UGP2: variants seen among roughly 807,000 people sequenced by gnomAD.
The protein encoded by UGP2 is UDP-glucose pyrophosphorylase 2, also known as UTP--glucose-1-phosphate uridylyltransferase.
In UGP2, 40 loss-of-function variants were observed where a neutral mutation model predicts 49.0. The ratio of observed to expected loss-of-function variants is 0.82; its 90% confidence interval spans 0.63 to 1.06. The LOEUF is 1.06. UGP2 is among the 50% of genes least tolerant of loss of function. UGP2 has a pLI of 0.00. For missense variants in UGP2, 460 were observed against 603.5 expected, an observed-to-expected ratio of 0.76 and a Z score of 2.49; for synonymous variants, 225 against 213.0, an observed-to-expected ratio of 1.06 and a Z score of -0.49.
At chr2:63,862,407 C>G (rs1669910367) in intron 3 of UGP2, among the ~76,000 whole-genome samples, 1 of 152,070 alleles carries the variant, frequency 6.6e-6, no homozygotes, top group African/African-American at 2.4e-5. Context: ...ATGAATTGAA[C>G]AGTTTTTGAA....
chr2:63,855,452 A>G (rs762107961), intron 1 of UGP2: 2 of 472,328 alleles, frequency 4.2e-6, no homozygotes, highest in Admixed American at 4.4e-5. Context: ...CTTTCTAGAT[A>G]AAGTATAAAA....
At chr2:63,861,002 T>A (rs1224147570) in intron 3 of UGP2, among the ~76,000 whole-genome samples, 1 of 152,070 alleles carries the variant, frequency 6.6e-6, no homozygotes, top group African/African-American at 2.4e-5. Flanking sequence ...AGTGAGTACA[T>A]AGATGTTTTG....
chr2:63,846,899 T>C (rs992940242), intron 1 of UGP2, among the ~76,000 whole-genome samples: 1 of 152,246 alleles, frequency 6.6e-6, no homozygotes, highest in African/African-American at 2.4e-5. Context: ...TTAAGATTTA[T>C]TATATTATTT....
chr2:63,865,075 T>C (rs534586670), intron 3 of UGP2, among the ~76,000 whole-genome samples: 4 of 152,368 alleles, frequency 2.6e-5, no homozygotes, highest in African/African-American at 9.6e-5. Context: ...GATTTATCTG[T>C]AGTCACTATG....
At position 63,863,241 on chromosome 2, in the gene UGP2, C is replaced by A. The variant is rs763380763; in HGVS notation, c.255+5305C>A. 2.0e-5 allele frequency among the ~76,000 whole-genome samples: 3 copies of A among 152,266 alleles called. No homozygotes were observed. In the East Asian group the frequency reaches 5.8e-4, roughly 29 times the overall value. ...ACTTCTTAAAATTTCTATAAAAATTCTAGATACAGTAAGGTTTAGGGAGCA... is the reference window on the plus strand; with the variant it reads ...ACTTCTTAAAATTTCTATAAAAATTATAGATACAGTAAGGTTTAGGGAGCA... On this transcript the variant is annotated intron_variant, in intron 3 of 9. Coordinates refer to ENST00000337130, the MANE Select transcript of UGP2 (RefSeq NM_006759.4).
chr2:63,889,797 C>G (rs1280233743), intron 8 of UGP2: 2 of 245,306 alleles, frequency 8.2e-6, no homozygotes, highest in Non-Finnish European at 1.5e-5. Flanking sequence ...TCATCTGGCT[C>G]TTGGCATGTT....
chr2:63,877,138 C>A (rs547333884), intron 3 of UGP2, among the ~76,000 whole-genome samples: 1 of 152,370 alleles, frequency 6.6e-6, no homozygotes, highest in East Asian at 1.9e-4. Context: ...AACAATAGTT[C>A]ATCAGCATGG....
chr2:63,864,695 GT>G (rs1415175272), intron 3 of UGP2, among the ~76,000 whole-genome samples: 5 of 152,304 alleles, frequency 3.3e-5, no homozygotes, highest in South Asian at 2.1e-4. Flanking sequence ...TACCACCAGT[GT>G]TTGAAAGAAA....
chr2:63,887,093 A>G (rs1485266481), intron 7 of UGP2, among the ~76,000 whole-genome samples: 1 of 151,960 alleles, frequency 6.6e-6, no homozygotes, highest in Non-Finnish European at 1.5e-5. Flanking sequence ...GTGAAACCCC[A>G]TCTCTACTAA....
chr2:63,886,545 C>G lies in UGP2; in HGVS notation c.1071+7C>G. The G allele has an allele frequency of 6.2e-7, 1 of 1,613,752 alleles. No individual in the cohort carries two copies. Among genetic ancestry groups the G allele is most frequent in the South Asian group, 1.1e-5 (1 of 91,054 alleles). On this transcript the variant is annotated splice_region_variant and intron_variant, in intron 7 of 9. Transcript: ENST00000337130. The stretch of plus-strand genomic sequence containing the variant: ...AATCATTGTGAATGCAAAGGTAAGC[C>G]AAGGTTGTGGCCCATTGAGCTTCCT...
rs1671637826 is a variant in UGP2, at chr2:63,885,901, G to A, written c.873+15G>A. On this transcript the variant is annotated intron_variant, in intron 6 of 9. Coordinates refer to ENST00000337130, the MANE Select transcript of UGP2 (RefSeq NM_006759.4). ...CAGATGTAAAGGTAAATACCGAGAG[G>A]AAGCAGTTTAGGGCTTCATGTTTTC... The A allele has an allele frequency of 1.3e-6, 2 of 1,541,266 alleles. No individual in the cohort carries two copies. Among genetic ancestry groups the A allele is most frequent in the Admixed American group, 2.2e-5 (1 of 46,386 alleles).
intron 1 of UGP2, among the ~76,000 whole-genome samples, chr2:63,850,045 CAA>C (rs1275924335): frequency 6.6e-6 from 1 of 152,116 alleles, no homozygotes; most frequent in Non-Finnish European, 1.5e-5. Context: ...AAACATAAAA[CAA>C]AGTGGTATTA....
chr2:63,882,448 A>G lies in UGP2; in HGVS notation c.256-18A>G. 6.4e-7 allele frequency: 1 copy of G among 1,553,206 alleles called. No homozygotes were observed. The highest frequency in any genetic ancestry group is 8.8e-7 in the Non-Finnish European group (1 of 1,140,074). ...TAAAGCTGTTTAAATTACTCCTATA[A>G]TGTTATTTTTCTTTCAGATTCAACC... is the stretch of plus-strand genomic sequence containing the variant. On this transcript the variant is annotated intron_variant, in intron 3 of 9. Coordinates refer to ENST00000337130, the MANE Select transcript of UGP2 (RefSeq NM_006759.4).
chr2:63,862,055 T>A lies in UGP2; in HGVS notation c.255+4119T>A, dbSNP rs1427647111. The stretch of plus-strand genomic sequence containing the variant: ...AAGTTTGCACATTAAAAGAAAAAAA[T>A]CTTGAGGCAATCTGGCCAAGCATCT... On this transcript the variant is annotated intron_variant, in intron 3 of 9. Transcript: ENST00000337130. Among the ~76,000 whole-genome samples, 3 of 151,856 alleles carry A rather than the reference T, an allele frequency of 2.0e-5. No individual in the cohort carries two copies. The East Asian group carries it at 5.8e-4, about 29-fold the overall frequency.
chr2:63,842,379 A>T (rs1671619791), intron 1 of UGP2, 175 bp downstream of exon 1: 1 of 1,599,200 alleles, frequency 6.3e-7, no homozygotes, highest in African/African-American at 1.3e-5. Flanking sequence ...GACGTTCCAG[A>T]CGCGTATAAT....
chr2:63,876,495 C>A (rs1327916155), intron 3 of UGP2, among the ~76,000 whole-genome samples: 1 of 152,182 alleles, frequency 6.6e-6, no homozygotes, highest in Non-Finnish European at 1.5e-5. Context: ...GCTGTTACTT[C>A]TTTTTTTCCT....
At chr2:63,861,703 AC>A (rs1332685293) in intron 3 of UGP2, among the ~76,000 whole-genome samples, 1 of 151,148 alleles carries the variant, frequency 6.6e-6, no homozygotes, top group Non-Finnish European at 1.5e-5. Flanking sequence ...AAAAAAAAAA[AC>A]AAAAAAACGA....
chr2:63,867,344 T>C (rs956760585), intron 3 of UGP2, among the ~76,000 whole-genome samples: 5 of 152,224 alleles, frequency 3.3e-5, no homozygotes, highest in African/African-American at 1.2e-4. Context: ...CCATGTAACA[T>C]TGGGCAAGTT....
At chr2:63,862,622 T>A (rs1669927740) in intron 3 of UGP2, among the ~76,000 whole-genome samples, 1 of 152,144 alleles carries the variant, frequency 6.6e-6, no homozygotes, top group Admixed American at 6.5e-5. Context: ...CCCGGTTTTA[T>A]TGTTGGACCA....
Sources: allele counts gnomAD v4.1 joint callset (sites outside exome capture counted in the v4.1 genomes callset), GRCh38; gene constraint gnomAD v4.1.1; transcripts MANE v1.5; gene names NCBI Gene and HGNC (gene_info 2026-07-23, HGNC 2026-07-21).